ROBO2: variants seen among roughly 807,000 people sequenced by gnomAD.
The protein encoded by ROBO2 is roundabout homolog 2.
A neutral mutation model predicts 160.8 loss-of-function variants in ROBO2; 53 were observed. The observed-to-expected ratio is 0.33, with a 90% CI of 0.26 to 0.41. ROBO2 has a LOEUF of 0.41. Ranked by LOEUF, ROBO2 falls within the 10% of genes least tolerant of loss-of-function variation. The pLI is 1.00. For missense variants in ROBO2, 1,577 were observed against 1,722.4 expected (o/e 0.92, Z 1.49); for synonymous variants, 664 against 611.7 (o/e 1.09, Z -1.26).
chr3:76,711,402 C>G (rs555810534), intron 2 of ROBO2, among the ~76,000 whole-genome samples: 1 of 152,134 alleles, frequency 6.6e-6, no homozygotes, highest in Non-Finnish European at 1.5e-5. Flanking sequence ...GGGATTACAA[C>G]GAAACGTGAG....
intron 2 of ROBO2, among the ~76,000 whole-genome samples, chr3:76,211,352 T>C (rs368064328): frequency 3.9e-5 from 6 of 152,128 alleles, no homozygotes; most frequent in Admixed American, 3.9e-4. Context: ...ATTTAAGAAC[T>C]TGTTCAGCTA....
intron 2 of ROBO2, among the ~76,000 whole-genome samples, chr3:77,130,434 T>C (rs771023521): frequency 1.9e-5 from 1 of 52,252 alleles, no homozygotes; most frequent in Middle Eastern, 8.3e-3. Flanking sequence ...CAGCAAGTAA[T>C]AAGTAATTAG....
chr3:77,074,669 T>C (rs1300914253), intron 1 of ROBO2, among the ~76,000 whole-genome samples: 1 of 152,128 alleles, frequency 6.6e-6, no homozygotes, highest in Non-Finnish European at 1.5e-5. Context: ...AAGCATCACC[T>C]TTATTGTTTG....
At chr3:76,131,655 G>C (rs764241855) in intron 2 of ROBO2, among the ~76,000 whole-genome samples, 1 of 152,116 alleles carries the variant, frequency 6.6e-6, no homozygotes, top group Non-Finnish European at 1.5e-5. Context: ...AAGCAGAGCA[G>C]ATGTGATTTT....
At chr3:77,521,390 A>G (rs1013128036) in intron 5 of ROBO2, among the ~76,000 whole-genome samples, 20 of 151,312 alleles carry the variant, frequency 1.3e-4, no homozygotes, top group Non-Finnish European at 2.5e-4. Flanking sequence ...GCCTTCATCA[A>G]AATAGATAAC....
intron 2 of ROBO2, among the ~76,000 whole-genome samples, chr3:75,963,966 A>G (rs1395779217): frequency 1.3e-4 from 20 of 151,946 alleles, no homozygotes; most frequent in Non-Finnish European, 1.5e-5. Flanking sequence ...TCATCCGAAT[A>G]TGGTTACTTT....
chr3:76,347,042 C>T (rs2074574931), intron 2 of ROBO2, among the ~76,000 whole-genome samples: 1 of 151,904 alleles, frequency 6.6e-6, no homozygotes, highest in African/African-American at 2.4e-5. Context: ...GGAGAAATAC[C>T]ATTCAGACAA....
At chr3:77,594,860 A>C (rs2094261440) in intron 17 of ROBO2, among the ~76,000 whole-genome samples, 1 of 152,178 alleles carries the variant, frequency 6.6e-6, no homozygotes, top group Admixed American at 6.6e-5. Context: ...TATATATACT[A>C]ATTGTAACAG....
chr3:77,631,938 T>G (rs796535), intron 23 of ROBO2: 1 of 152,200 alleles, frequency 6.6e-6, no homozygotes, highest in African/African-American at 2.4e-5. Flanking sequence ...ATATTGTTTA[T>G]ACATTTTTTG....
chr3:76,662,754 T>C (rs1358530096), intron 2 of ROBO2, among the ~76,000 whole-genome samples: 1 of 152,080 alleles, frequency 6.6e-6, no homozygotes, highest in Non-Finnish European at 1.5e-5. Flanking sequence ...CAGGGGACAG[T>C]CTGAGCAGAG....
At chr3:76,498,709 G>A (rs1312356772) in intron 2 of ROBO2, among the ~76,000 whole-genome samples, 1 of 137,406 alleles carries the variant, frequency 7.3e-6, no homozygotes, top group African/African-American at 2.7e-5. Context: ...TTGAGACAGA[G>A]TCTTGCTCTG....
At chr3:77,582,048 A>G (rs190222434) in intron 16 of ROBO2, among the ~76,000 whole-genome samples, 141 of 152,324 alleles carry the variant, frequency 9.3e-4, no homozygotes, top group African/African-American at 2.1e-3. Flanking sequence ...TGATATTAGC[A>G]TAGCTACATC....
intron 2 of ROBO2, among the ~76,000 whole-genome samples, chr3:76,387,465 AG>A (rs62856960): frequency 0.052 from 7,945 of 152,188 alleles, 493 homozygotes; most frequent in African/African-American, 0.14. Context: ...AATAAATGAA[AG>A]CAGAGATTTT....
intron 5 of ROBO2, among the ~76,000 whole-genome samples, chr3:77,497,959 T>C (rs2087022104): frequency 6.6e-6 from 1 of 152,098 alleles, no homozygotes; most frequent in Non-Finnish European, 1.5e-5. Context: ...AACACTACAA[T>C]ATTCTGTTCA....
intron 2 of ROBO2, among the ~76,000 whole-genome samples, chr3:76,111,834 C>T (rs2070246192): frequency 6.6e-6 from 1 of 152,110 alleles, no homozygotes; most frequent in Non-Finnish European, 1.5e-5. Flanking sequence ...CCCTGTCTCT[C>T]TCTCTCTTTA....
intron 5 of ROBO2, among the ~76,000 whole-genome samples, chr3:77,511,122 A>G (rs1253371987): frequency 1.3e-5 from 2 of 151,974 alleles, no homozygotes; most frequent in Non-Finnish European, 2.9e-5. Flanking sequence ...AGAGAATGAG[A>G]TGACAGGAGA....
At chr3:77,197,669 T>A (rs1342906172) in intron 2 of ROBO2, among the ~76,000 whole-genome samples, 2 of 152,214 alleles carry the variant, frequency 1.3e-5, no homozygotes, top group Non-Finnish European at 2.9e-5. Flanking sequence ...TAGCTTTCTC[T>A]GCTAGACAGA....
intron 2 of ROBO2, among the ~76,000 whole-genome samples, chr3:77,192,572 T>G (rs972532388): frequency 6.6e-6 from 1 of 151,732 alleles, no homozygotes; most frequent in African/African-American, 2.4e-5. Context: ...CATGCAGATA[T>G]CAAATGTGGG....
chr3:76,036,679 T>A (rs1164955375), intron 2 of ROBO2, among the ~76,000 whole-genome samples: 1 of 150,898 alleles, frequency 6.6e-6, no homozygotes, highest in Admixed American at 6.6e-5. Context: ...TAATTTTGTA[T>A]TTTTAGTAGA....
Sources: gnomAD v4.1 joint callset for allele counts (sites outside exome capture counted in the v4.1 genomes callset) on GRCh38, gnomAD v4.1.1 for gene constraint, MANE v1.5 for transcripts, NCBI Gene and HGNC (gene_info 2026-07-23, HGNC 2026-07-21) for gene names.